SLC3A2: variants seen among roughly 807,000 people sequenced by gnomAD.
The protein encoded by SLC3A2 is solute carrier family 3 member 2.
In SLC3A2, 32 loss-of-function variants were observed where a neutral mutation model predicts 48.5. That is an observed-to-expected ratio of 0.66 (90% CI 0.50 to 0.89). SLC3A2 has a LOEUF of 0.89. SLC3A2 is among the 40% of genes least tolerant of loss of function. SLC3A2 has a pLI of 0.00. For synonymous variants in SLC3A2, 277 were observed against 288.8 expected, an observed-to-expected ratio of 0.96 and a Z score of 0.41; for missense variants, 587 against 680.7, an observed-to-expected ratio of 0.86 and a Z score of 1.53.
At position 62,882,963 on chromosome 11, in the gene SLC3A2, C is replaced by G. The variant is rs1297188253; in HGVS notation, c.654C>G (p.Phe218Leu). Reference sequence around the variant, plus strand: ...ACTACCGGGGTGAGAACTCGTGGTTCTCCACTCAGGTTGACACTGTGGCCA... The same window carrying G: ...ACTACCGGGGTGAGAACTCGTGGTTGTCCACTCAGGTTGACACTGTGGCCA... ...TPNYRGENSW[F>L]STQVDTVATK... is the part of the protein sequence containing the mutation. Residue 218 changes from phenylalanine (F) to leucine (L), a missense_variant, in exon 3 of 9, where the codon TTC becomes TTG. Physicochemically the swap from Phe to Leu is conservative, Grantham distance 22 (BLOSUM62 0). This residue lies in a region of SLC3A2 where 409 missense variants were observed against 446.7 expected (regional missense o/e 0.92). Transcript: ENST00000338663. 6.8e-6 allele frequency: 11 copies of G among 1,614,218 alleles called. No homozygotes were observed. The highest frequency in any genetic ancestry group is 9.3e-6 in the Non-Finnish European group (11 of 1,180,048).
At chr11:62,875,465 G>A (rs936737026) in intron 1 of SLC3A2, among the ~76,000 whole-genome samples, 3 of 152,182 alleles carry the variant, frequency 2.0e-5, no homozygotes, top group Non-Finnish European at 2.9e-5. Context: ...AACCTTGGAA[G>A]GCAGAGCTTG....
upstream of SLC3A2, chr11:62,877,015 C>A: frequency 2.3e-6 from 2 of 864,284 alleles, no homozygotes; most frequent in Non-Finnish European, 2.8e-6. Flanking sequence ...CTGCCTTTGT[C>A]TTCACATGCT....
rs560221019 is a variant in SLC3A2 at position 62,883,203 on chromosome 11, C to T, written c.690+204C>T. On this transcript the variant is annotated intron_variant, in intron 3 of 8. Transcript: ENST00000338663. ...GTTCCTTTTCTGACCTCTTATTTTT[C>T]TTATTTCCTTGACTCTGAGGATGAG... 7 of 540,356 alleles carry T rather than the reference C, an allele frequency of 1.3e-5. No individual in the cohort carries two copies. The Admixed American group carries it at 2.2e-4, about 17-fold the overall frequency. The allele number at this position is 540,356 out of a possible 1,614,324, so 33.5% of individuals were successfully genotyped here. A position where few individuals can be genotyped will look rare whatever the true frequency, so the allele number is the denominator to read the frequency against.
At chr11:62,886,121 C>A (rs2085710303) in intron 7 of SLC3A2, among the ~76,000 whole-genome samples, 1 of 152,086 alleles carries the variant, frequency 6.6e-6, no homozygotes, top group Non-Finnish European at 1.5e-5. Context: ...GAAACCCAGT[C>A]TCTACTAAAA....
At chr11:62,877,433 C>T (rs1012213974), upstream of SLC3A2, among the ~76,000 whole-genome samples, 22 of 152,154 alleles carry the variant, frequency 1.4e-4, no homozygotes, top group African/African-American at 5.1e-4. Context: ...CAAACACTTG[C>T]GAAGTGCCTA....
intron 3 of SLC3A2, chr11:62,883,472 T>C (rs2085668929): frequency 5.4e-6 from 1 of 185,814 alleles, no homozygotes; most frequent in South Asian, 1.0e-4. Flanking sequence ...ACAAGGTATA[T>C]AATTTGCCAT....
At chr11:62,886,824 CCT>C (rs940874031) in intron 7 of SLC3A2, among the ~76,000 whole-genome samples, 3 of 152,176 alleles carry the variant, frequency 2.0e-5, no homozygotes, top group Admixed American at 6.5e-5. Flanking sequence ...GTCTCCAACT[CCT>C]GGGCTCAATC....
In SLC3A2 at chr11:62,881,502, A is replaced by C; in HGVS notation, c.424+55A>C. ...CCTCCGGTTGAATCTGGTGGCTTGC[A>C]CCGACCCCCTCCCCTGTCCCCAGAC... On this transcript the variant is annotated intron_variant, in intron 1 of 8. Coordinates refer to ENST00000338663, the MANE Select transcript of SLC3A2 (RefSeq NM_001013251.3). The surrounding 1 kb of genome is among the most constrained non-coding windows in gnomAD (Gnocchi z 4.0). The C allele has an allele frequency of 6.6e-7, 1 of 1,504,102 alleles. No homozygotes were observed. Among genetic ancestry groups the C allele is most frequent in the Non-Finnish European group, 8.8e-7 (1 of 1,131,016 alleles). The allele number at this position is 1,504,102 out of a possible 1,614,324, so 93.2% of individuals were successfully genotyped here.
rs201971445 is a variant in SLC3A2, at chr11:62,881,302, C to T, written c.279C>T (p.Leu93=). 3.8e-5 allele frequency: 60 copies of T among 1,578,556 alleles called. No individual in the cohort carries two copies. In the Admixed American group the frequency reaches 4.1e-4, roughly 11 times the overall value. ...TGCTGCTCTTCTGGCTCGGCTGGCT[C>T]GGCATGCTTGCTGGTGCCGTGGTCA... is the stretch of plus-strand genomic sequence containing the variant. The part of the protein sequence containing the change: ...ALLLLFWLGW[L]GMLAGAVVII... The change falls in exon 1 of 9, where the codon CTC becomes CTT. Residue 93 remains leucine (L), a synonymous_variant. Transcript: ENST00000338663. This position sits in a 1 kb window ranked among gnomAD's most constrained non-coding sequence, Gnocchi z 4.0.
upstream of SLC3A2, chr11:62,876,657 A>C (rs1253992912): frequency 6.5e-6 from 1 of 153,482 alleles, no homozygotes; most frequent in Non-Finnish European, 1.5e-5. Flanking sequence ...GCTGGAGTGC[A>C]ATGGCGCGAT....
At chr11:62,876,480 T>G (rs991313295), upstream of SLC3A2, among the ~76,000 whole-genome samples, 1 of 152,176 alleles carries the variant, frequency 6.6e-6, no homozygotes, top group East Asian at 1.9e-4. Context: ...AAGCTTTATA[T>G]CAACACATAT....
Position 62,888,792 on chromosome 11 carries a change from C to T in SLC3A2, c.*99C>T, listed in dbSNP as rs1386300745. ...TTAAAAACAAACAAACAAACTGTTG[C>T]AGATTATGAGTGAACCCCCAAATAG... is the stretch of plus-strand genomic sequence containing the variant. On this transcript the variant is annotated 3_prime_UTR_variant, in exon 9 of 9. Coordinates refer to ENST00000338663, the MANE Select transcript of SLC3A2 (RefSeq NM_001013251.3). 8.2e-7 allele frequency: 1 copy of T among 1,224,412 alleles called. No individual in the cohort carries two copies. The allele number at this position is 1,224,412 out of a possible 1,614,324, so 75.8% of individuals were successfully genotyped here.
chr11:62,874,755 C>G (rs1400907474), intron 1 of SLC3A2, among the ~76,000 whole-genome samples: 1 of 151,464 alleles, frequency 6.6e-6, no homozygotes, highest in Non-Finnish European at 1.5e-5. Flanking sequence ...CCTCACCCAT[C>G]TTTCCTTTTT....
At chr11:62,879,423 C>T (rs1039580608), upstream of SLC3A2, among the ~76,000 whole-genome samples, 6 of 152,146 alleles carry the variant, frequency 3.9e-5, no homozygotes, top group Non-Finnish European at 8.8e-5. Flanking sequence ...CTTTTGTGCT[C>T]GAGATATAGT....
At position 62,885,374 on chromosome 11, in the gene SLC3A2, TG is replaced by T; in HGVS notation, c.999+20del. 6.2e-7 allele frequency: 1 copy of T among 1,613,892 alleles called. No individual in the cohort carries two copies. The highest frequency in any genetic ancestry group is 8.5e-7 in the Non-Finnish European group (1 of 1,179,934). ...AGCTGGAGTGTGAGTACCATGCTGG[TG>T]GGAAAGGGGGCAGATGGGAGAAGAA... On this transcript the variant is annotated intron_variant, in intron 6 of 8. Coordinates refer to ENST00000338663, the MANE Select transcript of SLC3A2 (RefSeq NM_001013251.3).
intron 7 of SLC3A2, chr11:62,887,823 C>T (rs954264335): frequency 1.8e-5 from 4 of 224,612 alleles, no homozygotes; most frequent in Admixed American, 5.1e-5. Context: ...GACAGGGTCT[C>T]ACTCTGTTGC....
upstream of SLC3A2, among the ~76,000 whole-genome samples, chr11:62,878,745 G>T (rs1374486749): frequency 1.3e-5 from 2 of 148,828 alleles, no homozygotes; most frequent in Non-Finnish European, 3.0e-5. Context: ...CCAAAGTGCT[G>T]GTATTACAGG....
At chr11:62,878,170 A>C (rs561746275), upstream of SLC3A2, among the ~76,000 whole-genome samples, 1 of 152,002 alleles carries the variant, frequency 6.6e-6, no homozygotes, top group Non-Finnish European at 1.5e-5. Context: ...AAAAAAAAAA[A>C]ACAAAAAACA....
chr11:62,888,107 T>G, intron 7 of SLC3A2, 28 bp from the exon 8 acceptor site: 1 of 1,600,328 alleles, frequency 6.2e-7, no homozygotes, highest in Non-Finnish European at 8.6e-7. Context: ...CCAGGCCTTT[T>G]TAAAGTCCTA....
Sources: gnomAD v4.1 joint callset for allele counts (sites outside exome capture counted in the v4.1 genomes callset) on GRCh38, gnomAD v4.1.1 for gene constraint, gnomAD v4.1.1 regional missense constraint, Gnocchi (gnomAD v3.1) non-coding constraint, MANE v1.5 for transcripts, NCBI Gene and HGNC (gene_info 2026-07-23, HGNC 2026-07-21) for gene names.